AGT: variants seen among roughly 807,000 people sequenced by gnomAD.
AGT encodes angiotensinogen, also known as alpha-1 antiproteinase, antitrypsin.
A neutral mutation model predicts 28.1 loss-of-function variants in AGT; 26 were observed. That is an observed-to-expected ratio of 0.92 (90% CI 0.68 to 1.28). The LOEUF (loss-of-function observed/expected upper bound fraction) is 1.28, where lower values mean the gene tolerates loss of function less well. Ranked by LOEUF, AGT falls within the 50% of genes most tolerant of loss-of-function variation. The pLI, the probability that AGT is intolerant of heterozygous loss-of-function variation, is 0.00. For missense variants in AGT, 596 were observed against 592.3 expected (o/e 1.01, Z -0.06); for synonymous variants, 259 against 259.6 (o/e 1.00, Z 0.02).
At chr1:230,707,199 G>T (rs576383233) in intron 2 of AGT, among the ~76,000 whole-genome samples, 3 of 152,218 alleles carry the variant, frequency 2.0e-5, no homozygotes, top group Non-Finnish European at 2.9e-5. Context: ...TGTGTGTGAC[G>T]CAGTTACCTG....
chr1:230,715,952 G>A (rs1663727432), upstream of AGT, among the ~76,000 whole-genome samples: 1 of 152,196 alleles, frequency 6.6e-6, no homozygotes, highest in African/African-American at 2.4e-5. Flanking sequence ...ATGCTGGAAA[G>A]TGGTGTAAAA....
chr1:230,704,332 A>G lies in AGT; in HGVS notation c.1103T>C (p.Ile368Thr). ...NWMKKLSPRTIHLTMPQLVLQ... is the reference protein window; with the variant it reads ...NWMKKLSPRTTHLTMPQLVLQ... ...CACCAGTTGGGGCATGGTCAGGTGG[A>G]TGGTCCTGGGGAGATGATGCACAGT... Residue 368 changes from isoleucine to threonine, a missense_variant, in exon 4 of 5, where the codon ATC (isoleucine) becomes ACC (threonine). Transcript: ENST00000366667. 1 of 1,614,134 alleles carries G rather than the reference A, an allele frequency of 6.2e-7. No homozygotes were observed. The highest frequency in any genetic ancestry group is 8.5e-7 in the Non-Finnish European group (1 of 1,180,016).
chr1:230,714,427 A>C (rs1663683901), upstream of AGT: 1 of 152,316 alleles, frequency 6.6e-6, no homozygotes, highest in African/African-American at 2.4e-5. Context: ...GGTGTGTGAC[A>C]GCCTGAGGCC....
intron 4 of AGT, among the ~76,000 whole-genome samples, chr1:230,703,597 T>A (rs749695432): frequency 1.3e-5 from 2 of 152,138 alleles, no homozygotes; most frequent in Non-Finnish European, 2.9e-5. Context: ...CATCCTCCCA[T>A]CTTCACATTC....
At chr1:230,743,554 C>G (rs1308728254) in intron 1 of AGT, among the ~76,000 whole-genome samples, 1 of 152,226 alleles carries the variant, frequency 6.6e-6, no homozygotes, top group Non-Finnish European at 1.5e-5. Context: ...CACTCTCCAC[C>G]CTCCTCGCCA....
At position 230,703,113 on chromosome 1, in the gene AGT, C is replaced by T. The variant is rs1663277734; in HGVS notation, c.*28G>A. The T allele has an allele frequency of 9.9e-6, 16 of 1,611,126 alleles. No homozygotes were observed. Among genetic ancestry groups the T allele is most frequent in the Non-Finnish European group, 1.4e-5 (16 of 1,178,750 alleles). ...TCAAAGGCCAGGGGCAGAGGCCTTG[C>T]CAGGCACTGTGTTCTGGGGCCCTGG... On this transcript the variant is annotated 3_prime_UTR_variant, in exon 5 of 5. Transcript: ENST00000366667.
At chr1:230,744,516 C>T (rs1306762023) in intron 1 of AGT, among the ~76,000 whole-genome samples, 1 of 152,196 alleles carries the variant, frequency 6.6e-6, no homozygotes, top group African/African-American at 2.4e-5. Flanking sequence ...CTCCCGCAGA[C>T]ATTCTCAGAG....
intron 2 of AGT, among the ~76,000 whole-genome samples, chr1:230,707,416 G>A (rs573553528): frequency 1.3e-5 from 2 of 152,322 alleles, no homozygotes; most frequent in South Asian, 2.1e-4. Context: ...CAGAAACAGT[G>A]AGGTCTCCCT....
rs147463731 is a variant in AGT at position 230,744,761 on chromosome 1, G to A, written c.-31+754C>T. 3.3e-3 allele frequency among the ~76,000 whole-genome samples: 507 copies of A among 152,314 alleles called. 1 individual carries two copies. The highest frequency in any genetic ancestry group is 5.0e-3 in the Non-Finnish European group (342 of 68,022). On this transcript the variant is annotated intron_variant, in intron 1 of 4. Coordinates refer to the AGT transcript ENST00000681269. ...CAGCCTGGAGAGGTGTTTGTATCGG[G>A]AGGAGAATGAGAACGTAAATCCCTG...
At chr1:230,741,520 C>T (rs1011368488) in intron 1 of AGT, among the ~76,000 whole-genome samples, 1 of 152,220 alleles carries the variant, frequency 6.6e-6, no homozygotes, top group Non-Finnish European at 1.5e-5. Context: ...GGCTCTTACC[C>T]TATGGTGTGA....
At chr1:230,736,489 A>G (rs1239135567) in intron 1 of AGT, among the ~76,000 whole-genome samples, 1 of 152,184 alleles carries the variant, frequency 6.6e-6, no homozygotes, top group African/African-American at 2.4e-5. Context: ...ACTGCACTCC[A>G]GCCTGGGTGA....
intron 1 of AGT, among the ~76,000 whole-genome samples, chr1:230,722,023 A>G (rs995759842): frequency 2.0e-5 from 3 of 152,174 alleles, no homozygotes; most frequent in African/African-American, 7.2e-5. Context: ...CCCTCCCATC[A>G]CAGGCCTGGA....
At chr1:230,711,963 G>C (rs896650470) in intron 1 of AGT, among the ~76,000 whole-genome samples, 1 of 151,872 alleles carries the variant, frequency 6.6e-6, no homozygotes, top group Non-Finnish European at 1.5e-5. Flanking sequence ...ACAAATGAAA[G>C]CTACCCTGAG....
intron 1 of AGT, among the ~76,000 whole-genome samples, chr1:230,728,198 G>A (rs1199400941): frequency 1.3e-5 from 2 of 152,140 alleles, no homozygotes; most frequent in Non-Finnish European, 2.9e-5. Flanking sequence ...AATCTGAAAA[G>A]GCCAATTTTA....
intron 3 of AGT, among the ~76,000 whole-genome samples, chr1:230,704,803 G>A (rs867604114): frequency 6.6e-6 from 1 of 152,172 alleles, no homozygotes; most frequent in African/African-American, 2.4e-5. Flanking sequence ...TCTTCGTATA[G>A]AGCCTCTTCC....
intron 1 of AGT, among the ~76,000 whole-genome samples, chr1:230,731,045 G>A (rs1664044108): frequency 6.6e-6 from 1 of 152,084 alleles, no homozygotes; most frequent in South Asian, 2.1e-4. Flanking sequence ...TGTTATTTCT[G>A]GAAACCAATG....
chr1:230,739,387 G>A (rs540259888), intron 1 of AGT, among the ~76,000 whole-genome samples: 14 of 151,884 alleles, frequency 9.2e-5, no homozygotes, highest in Admixed American at 2.6e-4. Context: ...ACTATGGGGC[G>A]GGGGGTGGCT....
At chr1:230,721,761 C>A (rs1046807167) in intron 1 of AGT, among the ~76,000 whole-genome samples, 41 of 152,144 alleles carry the variant, frequency 2.7e-4, no homozygotes, top group African/African-American at 9.9e-4. Flanking sequence ...TTTACCCCTG[C>A]CTTTAGGATC....
In AGT at chr1:230,703,101, G is replaced by A. The variant is rs5042; in HGVS notation, c.*40C>T. The A allele has an allele frequency of 3.7e-4, 591 of 1,606,398 alleles. No homozygotes were observed. In the African/African-American group the frequency reaches 7.1e-3, roughly 19 times the overall value. ...CTGGCCTTTGCCTCAAAGGCCAGGG[G>A]CAGAGGCCTTGCCAGGCACTGTGTT... On this transcript the variant is annotated 3_prime_UTR_variant, in exon 5 of 5. Coordinates refer to ENST00000366667, the MANE Select transcript of AGT (RefSeq NM_001384479.1).
Sources: allele counts gnomAD v4.1 joint callset (sites outside exome capture counted in the v4.1 genomes callset), GRCh38; gene constraint gnomAD v4.1.1; transcripts MANE v1.5; gene names NCBI Gene and HGNC (gene_info 2026-07-23, HGNC 2026-07-21).